The following ACACA variants were observed in gnomAD, a reference collection of about 807,000 sequenced individuals.
ACACA encodes acetyl-CoA carboxylase alpha, also known as acetyl-CoA carboxylase 1.
ACACA carries 103 observed loss-of-function variants against 296.1 expected under a neutral mutation model. The observed-to-expected ratio is 0.35, with a 90% CI of 0.30 to 0.41. ACACA has a LOEUF of 0.41. ACACA is among the 10% of genes least tolerant of loss of function. The pLI is 1.00. For missense variants in ACACA, 1,554 were observed against 2,989.7 expected (o/e 0.52, Z 11.20); for synonymous variants, 953 against 1,038.6 (o/e 0.92, Z 1.58).
At chr17:37,248,791 A>G in intron 16 of ACACA, 117 bp from the exon 17 acceptor site, 1 of 702,164 alleles carries the variant, frequency 1.4e-6, no homozygotes, top group Non-Finnish European at 2.6e-6. Flanking sequence ...CAACCTAAAT[A>G]CCTAAATGAT....
intron 3 of ACACA, among the ~76,000 whole-genome samples, chr17:37,296,537 C>T (rs1046724050): frequency 1.3e-5 from 2 of 151,840 alleles, no homozygotes; most frequent in African/African-American, 4.8e-5. Context: ...GATCTCCTGA[C>T]CTCATGATCC....
intron 45 of ACACA, among the ~76,000 whole-genome samples, chr17:37,146,668 A>G (rs1460754227): frequency 8.6e-4 from 20 of 23,314 alleles, no homozygotes; most frequent in African/African-American, 3.8e-3. Flanking sequence ...GGTGGGGGGG[A>G]AGGGGGGGGC....
chr17:37,131,585 G>C (rs1395277981), intron 45 of ACACA, among the ~76,000 whole-genome samples: 3 of 152,094 alleles, frequency 2.0e-5, no homozygotes, highest in Admixed American at 2.0e-4. Flanking sequence ...AACTAACTAA[G>C]GGCCAGCAAA....
At position 37,313,442 on chromosome 17, in the gene ACACA, G is replaced by C. The variant is rs530065672; in HGVS notation, c.338+16731C>G. Among the ~76,000 whole-genome samples the C allele has an allele frequency of 2.0e-5, 3 of 152,238 alleles. No homozygotes were observed. The South Asian group carries it at 6.2e-4, about 32-fold the overall frequency. ...ATCTCCATCTGACAGAGGATTGATA[G>C]CCAGAATATATAAGGAGCTCAAACA... On this transcript the variant is annotated intron_variant, in intron 3 of 55. Coordinates refer to ENST00000616317, the MANE Select transcript of ACACA (RefSeq NM_198834.3).
At chr17:37,176,689 C>T (rs1046380569) in intron 41 of ACACA, among the ~76,000 whole-genome samples, 1 of 152,226 alleles carries the variant, frequency 6.6e-6, no homozygotes, top group South Asian at 2.1e-4. Context: ...CTCTTAGGCA[C>T]AGCTGTCCCT....
At chr17:37,296,693 T>C (rs536870552) in intron 3 of ACACA, among the ~76,000 whole-genome samples, 3 of 151,872 alleles carry the variant, frequency 2.0e-5, no homozygotes, top group African/African-American at 7.3e-5. Flanking sequence ...CTTCTTGACA[T>C]AGTGGTAATT....
At chr17:37,299,205 A>C (rs2083496365) in intron 3 of ACACA, 1 of 1,411,070 alleles carries the variant, frequency 7.1e-7, no homozygotes, top group Admixed American at 2.0e-5. Context: ...AATAAATCTC[A>C]GGGCTTAGCT....
At chr17:37,103,247 A>G (rs1290919914) in intron 52 of ACACA, among the ~76,000 whole-genome samples, 4 of 152,216 alleles carry the variant, frequency 2.6e-5, no homozygotes, top group African/African-American at 9.6e-5. Flanking sequence ...AGTGGCGTCT[A>G]TAAAGATTTT....
At chr17:37,360,944 T>C (rs2049380889) in intron 1 of ACACA, among the ~76,000 whole-genome samples, 1 of 151,798 alleles carries the variant, frequency 6.6e-6, no homozygotes, top group African/African-American at 2.4e-5. Context: ...ATGAAGGGAG[T>C]GACTTCAAAA....
chr17:37,339,221 G>A (rs1227014115), intron 2 of ACACA, among the ~76,000 whole-genome samples: 2 of 152,256 alleles, frequency 1.3e-5, no homozygotes, highest in African/African-American at 4.8e-5. Flanking sequence ...GCACTCAGGT[G>A]CAGATTCTAG....
At chr17:37,231,098 G>A (rs950195929) in intron 25 of ACACA, among the ~76,000 whole-genome samples, 3 of 152,162 alleles carry the variant, frequency 2.0e-5, no homozygotes, top group Admixed American at 6.5e-5. Flanking sequence ...CCAAGGCTGG[G>A]CACAGTGGCT....
At chr17:37,396,005 C>G (rs899080148) in intron 1 of ACACA, among the ~76,000 whole-genome samples, 1 of 152,122 alleles carries the variant, frequency 6.6e-6, no homozygotes, top group African/African-American at 2.4e-5. Context: ...GCCATATTTG[C>G]GTGTGTATTA....
At chr17:37,103,701 C>T (rs1325960963) in intron 52 of ACACA, among the ~76,000 whole-genome samples, 2 of 146,412 alleles carry the variant, frequency 1.4e-5, no homozygotes, top group Admixed American at 7.0e-5. Context: ...CAAAGCAAGA[C>T]CCTGTCTCTA....
intron 38 of ACACA, among the ~76,000 whole-genome samples, chr17:37,190,862 G>A (rs550751129): frequency 2.0e-5 from 3 of 152,264 alleles, no homozygotes; most frequent in East Asian, 1.9e-4. Flanking sequence ...ATGTTTTCAT[G>A]TTTTTGTACT....
intron 50 of ACACA, among the ~76,000 whole-genome samples, chr17:37,115,180 C>T (rs912611119): frequency 3.4e-5 from 5 of 145,018 alleles, no homozygotes; most frequent in Non-Finnish European, 4.6e-5. Flanking sequence ...AAAAAATTTA[C>T]TGCTAATTAC....
chr17:37,316,933 T>C (rs2047121593), intron 3 of ACACA, among the ~76,000 whole-genome samples: 1 of 151,502 alleles, frequency 6.6e-6, no homozygotes, highest in Non-Finnish European at 1.5e-5. Context: ...ATTAGCTGGG[T>C]GTGGTGGTGT....
chr17:37,250,167 T>C (rs1021164609), intron 16 of ACACA, among the ~76,000 whole-genome samples: 8 of 152,186 alleles, frequency 5.3e-5, no homozygotes, highest in Non-Finnish European at 1.0e-4. Context: ...CACATATATA[T>C]GTTCATGTAA....
At chr17:37,190,158 G>A (rs1438149081) in intron 38 of ACACA, among the ~76,000 whole-genome samples, 2 of 151,744 alleles carry the variant, frequency 1.3e-5, no homozygotes, top group Non-Finnish European at 2.9e-5. Context: ...GCCAGGCACG[G>A]TGGCTCACAC....
rs1016262232 is a variant in ACACA at position 37,085,783 on chromosome 17, T to C, written c.*1533A>G. 2 of 399,162 alleles carry C rather than the reference T, an allele frequency of 5.0e-6. No individual in the cohort carries two copies. Among genetic ancestry groups the C allele is most frequent in the Non-Finnish European group, 8.8e-6 (2 of 226,166 alleles). The allele number at this position is 399,162 out of a possible 1,614,324, so 24.7% of individuals were successfully genotyped here. A position where few individuals can be genotyped will look rare whatever the true frequency, so the allele number is the denominator to read the frequency against. Reference sequence around the variant, plus strand: ...CTGAAGAAGGGGAGGTGGAGCTCGTTCTTGTGTGCAAACTACAGGGTTAAG... The same window carrying C: ...CTGAAGAAGGGGAGGTGGAGCTCGTCCTTGTGTGCAAACTACAGGGTTAAG... On this transcript the variant is annotated 3_prime_UTR_variant, in exon 56 of 56. Transcript: ENST00000616317.
Sources: gnomAD v4.1 joint callset for allele counts (sites outside exome capture counted in the v4.1 genomes callset) on GRCh38, gnomAD v4.1.1 for gene constraint, MANE v1.5 for transcripts, NCBI Gene and HGNC (gene_info 2026-07-23, HGNC 2026-07-21) for gene names.